AGMO: variants seen among roughly 807,000 people sequenced by gnomAD.
AGMO encodes the protein alkylglycerol monooxygenase.
In AGMO, 75 loss-of-function variants were observed where a neutral mutation model predicts 60.2. The ratio of observed to expected loss-of-function variants is 1.25; its 90% CI spans 1.03 to 1.51. AGMO has a LOEUF of 1.51. Ranked by LOEUF, AGMO falls within the 40% of genes most tolerant of loss-of-function variation. The probability of loss-of-function intolerance (pLI) is 0.00; values close to 1 mark genes in which losing one functional copy is unlikely to be tolerated. For synonymous variants in AGMO, 261 were observed against 177.1 expected, an observed-to-expected ratio of 1.47 and a Z score of -3.76; for missense variants, 763 against 525.5, an observed-to-expected ratio of 1.45 and a Z score of -4.42.
At chr7:15,423,380 T>A (rs1403905182) in intron 4 of AGMO, among the ~76,000 whole-genome samples, 1 of 152,164 alleles carries the variant, frequency 6.6e-6, no homozygotes, top group African/African-American at 2.4e-5. Context: ...AGTTTGTGTT[T>A]CTATTTAGAA....
chr7:15,419,770 G>A (rs1428538282), intron 4 of AGMO, among the ~76,000 whole-genome samples: 1 of 151,968 alleles, frequency 6.6e-6, no homozygotes, highest in South Asian at 2.1e-4. Flanking sequence ...TTTAGTCCAT[G>A]TTTCCACTAG....
chr7:15,551,035 T>A (rs901372503), intron 2 of AGMO, among the ~76,000 whole-genome samples: 28 of 149,560 alleles, frequency 1.9e-4, no homozygotes, highest in African/African-American at 5.4e-4. Context: ...ATAAATGTAA[T>A]CCAGCATATA....
intron 5 of AGMO, among the ~76,000 whole-genome samples, chr7:15,410,700 T>C (rs1780567014): frequency 6.6e-6 from 1 of 151,948 alleles, no homozygotes; most frequent in Admixed American, 6.6e-5. Context: ...TTCTATGTGA[T>C]AAATTACAAG....
At chr7:15,373,572 T>C (rs533393696) in intron 10 of AGMO, among the ~76,000 whole-genome samples, 9 of 152,148 alleles carry the variant, frequency 5.9e-5, no homozygotes, top group African/African-American at 1.9e-4. Flanking sequence ...ACTGTCTTAC[T>C]CTTGCATGGG....
intron 3 of AGMO, among the ~76,000 whole-genome samples, chr7:15,451,160 G>A (rs534024445): frequency 6.6e-6 from 1 of 152,012 alleles, no homozygotes; most frequent in South Asian, 2.1e-4. Flanking sequence ...TTTCATTAAG[G>A]GAAGCAAACA....
At chr7:15,365,724 T>C in intron 11 of AGMO, 105 bp from the exon 12 acceptor site, 1 of 751,264 alleles carries the variant, frequency 1.3e-6, no homozygotes, top group Non-Finnish European at 2.1e-6. Flanking sequence ...TACCTAGTAT[T>C]TTAATATATT....
chr7:15,145,515 A>G, the AGMO span, among the ~76,000 whole-genome samples: 20 of 152,174 alleles, frequency 1.3e-4, no homozygotes, highest in Non-Finnish European at 2.6e-4. Flanking sequence ...CAGAATAGAA[A>G]TATATCAAGA....
At chr7:15,531,150 CTATATATATTCTA>C in intron 3 of AGMO, among the ~76,000 whole-genome samples, 1 of 53,226 alleles carries the variant, frequency 1.9e-5, no homozygotes, top group Non-Finnish European at 3.1e-5. Context: ...TATATATATT[CTATATATATTCTA>C]TATATATATT....
chr7:15,186,494 A>G, the AGMO span, among the ~76,000 whole-genome samples: 1 of 152,166 alleles, frequency 6.6e-6, no homozygotes, highest in East Asian at 1.9e-4. Flanking sequence ...ACATGGCCAC[A>G]TGAACAAATG....
intron 3 of AGMO, among the ~76,000 whole-genome samples, chr7:15,490,567 T>G (rs1335105333): frequency 6.6e-6 from 1 of 152,172 alleles, no homozygotes; most frequent in Non-Finnish European, 1.5e-5. Flanking sequence ...AACTTGGTTT[T>G]ATGCCTCAAG....
intron 12 of AGMO, among the ~76,000 whole-genome samples, chr7:15,331,889 G>A (rs548976763): frequency 3.3e-5 from 5 of 151,598 alleles, no homozygotes; most frequent in South Asian, 2.1e-4. Flanking sequence ...TCACACCATC[G>A]CACTCCAGCT....
At chr7:15,305,549 G>T (rs1720474595) in intron 12 of AGMO, among the ~76,000 whole-genome samples, 1 of 151,738 alleles carries the variant, frequency 6.6e-6, no homozygotes, top group Non-Finnish European at 1.5e-5. Context: ...TGAGTCGAAT[G>T]GTTATATTAA....
At chr7:15,314,078 G>T (rs1254379120) in intron 12 of AGMO, among the ~76,000 whole-genome samples, 1 of 152,016 alleles carries the variant, frequency 6.6e-6, no homozygotes, top group Non-Finnish European at 1.5e-5. Context: ...TGGCAGTGTT[G>T]ATGGTTGGAT....
At chr7:15,526,683 T>C (rs186791972) in intron 3 of AGMO, among the ~76,000 whole-genome samples, 2 of 152,292 alleles carry the variant, frequency 1.3e-5, no homozygotes, top group Admixed American at 1.3e-4. Flanking sequence ...TTTTTTCCAT[T>C]AACACAAGCA....
At chr7:15,187,368 A>T in the AGMO span, among the ~76,000 whole-genome samples, 1 of 152,200 alleles carries the variant, frequency 6.6e-6, no homozygotes, top group Non-Finnish European at 1.5e-5. Context: ...ACTCATAGAT[A>T]AAAAAGGAAA....
At chr7:15,544,722 C>A (rs754748511) in intron 3 of AGMO, 50 bp downstream of exon 3, 4 of 1,428,244 alleles carry the variant, frequency 2.8e-6, no homozygotes, top group Non-Finnish European at 3.7e-6. Context: ...GTACTATGTA[C>A]CAAACACAGT....
chr7:15,552,979 T>TACTA (rs1287465726), intron 2 of AGMO, among the ~76,000 whole-genome samples: 2 of 152,148 alleles, frequency 1.3e-5, no homozygotes, highest in East Asian at 3.9e-4. Flanking sequence ...CACCATGGAA[T>TACTA]ACTACACAGC....
At chr7:15,166,210 A>G in the AGMO span, among the ~76,000 whole-genome samples, 10 of 150,860 alleles carry the variant, frequency 6.6e-5, no homozygotes, top group East Asian at 1.9e-4. Flanking sequence ...GCTGAGTGAG[A>G]AGAGGAGAGC....
At chr7:15,379,814 T>C (rs59286788) in intron 10 of AGMO, among the ~76,000 whole-genome samples, 5,564 of 152,176 alleles carry the variant, frequency 0.037, 337 homozygotes, top group African/African-American at 0.13. Context: ...TTATCCACCA[T>C]GATTAAATGG....
Sources: allele counts gnomAD v4.1 joint callset (sites outside exome capture counted in the v4.1 genomes callset), GRCh38; gene constraint gnomAD v4.1.1; transcripts MANE v1.5; gene names NCBI Gene and HGNC (gene_info 2026-07-23, HGNC 2026-07-21).